TMTC1: variants seen among roughly 807,000 people sequenced by gnomAD.
TMTC1 encodes the protein protein O-mannosyl-transferase TMTC1.
TMTC1 carries 73 observed loss-of-function variants against 104.8 expected under a neutral mutation model. That is an observed-to-expected ratio of 0.70 (90% CI 0.58 to 0.85). TMTC1 has a LOEUF of 0.85. Ranked by LOEUF, TMTC1 falls within the 40% of genes least tolerant of loss-of-function variation. TMTC1 has a pLI of 0.00. For synonymous variants in TMTC1, 434 were observed against 428.7 expected (o/e 1.01, Z -0.15); for missense variants, 1,035 against 1,096.1 (o/e 0.94, Z 0.79).
intron 8 of TMTC1, among the ~76,000 whole-genome samples, chr12:29,578,361 G>A (rs559510685): frequency 1.3e-5 from 2 of 152,152 alleles, no homozygotes; most frequent in South Asian, 2.1e-4. Flanking sequence ...CAAGCCAAAG[G>A]CAACACTTTC....
rs1382173096 is a variant in TMTC1, at chr12:29,566,347, G to A, written c.1532+5758C>T. 3.3e-5 allele frequency among the ~76,000 whole-genome samples: 5 copies of A among 152,302 alleles called. No homozygotes were observed. The East Asian group carries it at 9.7e-4, about 29-fold the overall frequency. ...GCAGGAGGTGTGTCAGGGGGAGTAA[G>A]GGGGCAGGTGGTGCAGGGCGAGCAT... On this transcript the variant is annotated intron_variant, in intron 9 of 17. Transcript: ENST00000539277.
chr12:29,720,253 T>G (rs189627693), intron 5 of TMTC1, among the ~76,000 whole-genome samples: 1 of 152,330 alleles, frequency 6.6e-6, no homozygotes, highest in East Asian at 1.9e-4. Flanking sequence ...GTCTTACAAT[T>G]CTCCAAGCTA....
chr12:29,697,540 T>C (rs2136782711), intron 5 of TMTC1, among the ~76,000 whole-genome samples: 1 of 152,336 alleles, frequency 6.6e-6, no homozygotes, highest in Middle Eastern at 3.4e-3. Context: ...GAAAGAGATT[T>C]ATTAAAAGAA....
intron 5 of TMTC1, among the ~76,000 whole-genome samples, chr12:29,747,369 C>T (rs1401675461): frequency 6.6e-6 from 1 of 152,158 alleles, no homozygotes; most frequent in African/African-American, 2.4e-5. Context: ...GTACTCTCAA[C>T]TCTAGGCTTT....
At chr12:29,627,919 C>T (rs1938088247) in intron 6 of TMTC1, among the ~76,000 whole-genome samples, 1 of 152,156 alleles carries the variant, frequency 6.6e-6, no homozygotes, top group Non-Finnish European at 1.5e-5. Context: ...GTGAAAGATG[C>T]CCTCCCCATA....
At chr12:29,607,965 G>A (rs1199523542) in intron 6 of TMTC1, among the ~76,000 whole-genome samples, 2 of 152,094 alleles carry the variant, frequency 1.3e-5, no homozygotes, top group African/African-American at 4.8e-5. Flanking sequence ...GAAGACAGTG[G>A]CACAGTGCCC....
At chr12:29,612,420 T>A (rs1946868657) in intron 6 of TMTC1, among the ~76,000 whole-genome samples, 1 of 152,172 alleles carries the variant, frequency 6.6e-6, no homozygotes, top group South Asian at 2.1e-4. Context: ...AAAAAAAATT[T>A]TTTTTTGAGA....
intron 5 of TMTC1, among the ~76,000 whole-genome samples, chr12:29,652,879 T>C (rs60043430): frequency 0.017 from 2,580 of 152,226 alleles, 65 homozygotes; most frequent in African/African-American, 0.058. Flanking sequence ...CTGACCAACA[T>C]GGTGAAACCC....
At chr12:29,677,066 A>G (rs1164575953) in intron 5 of TMTC1, among the ~76,000 whole-genome samples, 1 of 152,234 alleles carries the variant, frequency 6.6e-6, no homozygotes, top group Non-Finnish European at 1.5e-5. Flanking sequence ...CCCTCTGCCT[A>G]AAAGCATTTA....
intron 5 of TMTC1, among the ~76,000 whole-genome samples, chr12:29,727,646 A>G (rs971637348): frequency 6.6e-6 from 1 of 152,164 alleles, no homozygotes; most frequent in African/African-American, 2.4e-5. Context: ...AAAGTGCTGG[A>G]ATTACAGGCG....
chr12:29,726,975 G>A (rs924846644), intron 5 of TMTC1, among the ~76,000 whole-genome samples: 1 of 152,218 alleles, frequency 6.6e-6, no homozygotes, highest in African/African-American at 2.4e-5. Flanking sequence ...AATCTTCCAG[G>A]ATGCACTGCT....
At chr12:29,522,119 C>G (rs962125183) in intron 11 of TMTC1, among the ~76,000 whole-genome samples, 2 of 152,154 alleles carry the variant, frequency 1.3e-5, no homozygotes, top group African/African-American at 4.8e-5. Flanking sequence ...AACCTTATCT[C>G]AAGTTACTCC....
At chr12:29,744,123 T>C (rs1942894042) in intron 5 of TMTC1, among the ~76,000 whole-genome samples, 1 of 152,224 alleles carries the variant, frequency 6.6e-6, no homozygotes, top group Admixed American at 6.5e-5. Flanking sequence ...TATGTCCCTG[T>C]GCATCCAGTT....
intron 5 of TMTC1, among the ~76,000 whole-genome samples, chr12:29,635,192 CAA>C (rs35368951): frequency 1.4e-3 from 203 of 142,052 alleles, no homozygotes; most frequent in African/African-American, 5.0e-3. Context: ...CAAAAAATGC[CAA>C]AAAAAAAAAA....
chr12:29,606,713 G>A (rs1338311849), intron 6 of TMTC1, among the ~76,000 whole-genome samples: 2 of 152,136 alleles, frequency 1.3e-5, no homozygotes, highest in African/African-American at 4.8e-5. Context: ...CCTAGATACT[G>A]TTTTACCCAA....
chr12:29,541,815 C>A (rs1018970066), intron 10 of TMTC1, among the ~76,000 whole-genome samples: 1 of 152,030 alleles, frequency 6.6e-6, no homozygotes, highest in East Asian at 1.9e-4. Flanking sequence ...CACACCACCA[C>A]GCCCAGCTAA....
chr12:29,750,947 C>T (rs1943075575), intron 5 of TMTC1, among the ~76,000 whole-genome samples: 1 of 152,270 alleles, frequency 6.6e-6, no homozygotes, highest in African/African-American at 2.4e-5. Context: ...AGCTTCCCCA[C>T]ACCCTGTCCC....
intron 5 of TMTC1, among the ~76,000 whole-genome samples, chr12:29,710,287 T>C (rs1376225302): frequency 6.6e-6 from 1 of 152,016 alleles, no homozygotes; most frequent in Non-Finnish European, 1.5e-5. Context: ...CAGCAGATCT[T>C]TTGTAAGTCA....
rs746512337 is a variant in TMTC1, at chr12:29,751,806, T to C, written c.798A>G (p.Pro266=). The C allele has an allele frequency of 1.2e-6, 2 of 1,611,514 alleles. No homozygotes were observed. Among genetic ancestry groups the C allele is most frequent in the Non-Finnish European group, 1.7e-6 (2 of 1,178,876 alleles). ...QPGSPQPSSL[P]GHPHRENGKQ... ...TCCCATTCTCCCGGTGAGGATGGCC[T>C]GGCAGTGAGGAGGGCTGGGGGCTCC... is the stretch of plus-strand genomic sequence containing the variant. Residue 266 remains proline, a synonymous_variant, in exon 5 of 18, where the codon CCA becomes CCG. Coordinates refer to ENST00000539277, the MANE Select transcript of TMTC1 (RefSeq NM_001193451.2).
Sources: gnomAD v4.1 joint callset for allele counts (sites outside exome capture counted in the v4.1 genomes callset) on GRCh38, gnomAD v4.1.1 for gene constraint, MANE v1.5 for transcripts, NCBI Gene and HGNC (gene_info 2026-07-23, HGNC 2026-07-21) for gene names.